Variants in TRA2A observed in about 807,000 individuals in gnomAD.
TRA2A encodes the protein transformer 2 alpha homolog, also known as transformer-2 protein homolog alpha.
Under a neutral mutation model 45.7 loss-of-function variants are expected in TRA2A, and 31 were observed. The observed-to-expected ratio is 0.68, with a 90% CI of 0.51 to 0.92. The LOEUF (loss-of-function observed/expected upper bound fraction) is 0.92. Among genes scored for constraint, TRA2A ranks in the 40% least tolerant of loss-of-function variants. The pLI, the probability that TRA2A is intolerant of heterozygous loss-of-function variation, is 0.00. For missense variants in TRA2A, 304 were observed against 367.5 expected, an observed-to-expected ratio of 0.83 and a Z score of 1.41; for synonymous variants, 132 against 126.2, an observed-to-expected ratio of 1.05 and a Z score of -0.31.
intron 1 of TRA2A, chr7:23,531,533 T>C (rs1790583813): frequency 3.5e-6 from 2 of 572,150 alleles, no homozygotes. Flanking sequence ...GAGGAAGCAA[T>C]GCGGGGGCGG....
At chr7:23,511,370 C>CAAAAAAGAAAAAAAAAAAA (rs1789597141) in intron 4 of TRA2A, among the ~76,000 whole-genome samples, 1 of 40,136 alleles carries the variant, frequency 2.5e-5, no homozygotes, top group Non-Finnish European at 4.6e-5. Context: ...GACTCCATCT[C>CAAAAAAGAAAAAAAAAAAA]AAAAAAAAAA....
intron 1 of TRA2A, among the ~76,000 whole-genome samples, chr7:23,530,909 AT>A (rs35844350): frequency 0.032 from 4,643 of 146,938 alleles, 177 homozygotes; most frequent in African/African-American, 0.093. Flanking sequence ...AGAAAGACAG[AT>A]TTTTTTTTTT....
intron 3 of TRA2A, among the ~76,000 whole-genome samples, chr7:23,514,357 T>C (rs922900249): frequency 6.6e-6 from 1 of 152,200 alleles, no homozygotes; most frequent in Non-Finnish European, 1.5e-5. Context: ...CACAGCTCTT[T>C]GAATAAATTT....
chr7:23,516,208 C>T (rs1301550677), intron 3 of TRA2A, among the ~76,000 whole-genome samples, 155 bp downstream of exon 3: 1 of 152,174 alleles, frequency 6.6e-6, no homozygotes, highest in Non-Finnish European at 1.5e-5. Context: ...AAGATGGTGG[C>T]ATTTCCTTTA....
chr7:23,528,302 G>A (rs557067789), intron 1 of TRA2A, among the ~76,000 whole-genome samples: 3 of 151,944 alleles, frequency 2.0e-5, no homozygotes, highest in Admixed American at 2.0e-4. Flanking sequence ...TCCGCCTCCC[G>A]GGTTCAAGTG....
chr7:23,521,866 T>C (rs1243783883), intron 1 of TRA2A, 26 bp from the exon 2 acceptor site: 4 of 1,613,892 alleles, frequency 2.5e-6, no homozygotes, highest in Non-Finnish European at 3.4e-6. Context: ...GTATTACAAA[T>C]GGCACTGGTC....
At chr7:23,527,999 T>C (rs1394409525) in intron 1 of TRA2A, among the ~76,000 whole-genome samples, 1 of 152,096 alleles carries the variant, frequency 6.6e-6, no homozygotes, top group African/African-American at 2.4e-5. Context: ...AGTACTTAAA[T>C]TTAGGAAAAT....
At chr7:23,527,651 CACAG>C (rs767232830) in intron 1 of TRA2A, among the ~76,000 whole-genome samples, 10 of 152,290 alleles carry the variant, frequency 6.6e-5, no homozygotes, top group East Asian at 3.9e-4. Flanking sequence ...AAATTAAGCC[CACAG>C]ACAAAGTGTT....
At chr7:23,521,581 G>A (rs1193529581) in intron 2 of TRA2A, 126 bp downstream of exon 2, 1 of 1,074,804 alleles carries the variant, frequency 9.3e-7, no homozygotes, top group East Asian at 2.4e-5. Flanking sequence ...CATTTACAAA[G>A]AGCAGTCTGA....
At chr7:23,526,968 T>C (rs1790364565) in intron 1 of TRA2A, among the ~76,000 whole-genome samples, 1 of 152,136 alleles carries the variant, frequency 6.6e-6, no homozygotes, top group African/African-American at 2.4e-5. Flanking sequence ...ACCTGTAAAA[T>C]TTATAATCTT....
chr7:23,505,500 T>TTAAAAA lies in TRA2A; in HGVS notation c.*58_*59insTTTTTA, dbSNP rs1554344461. On this transcript the variant is annotated 3_prime_UTR_variant, in exon 8 of 8. Coordinates refer to ENST00000297071, the MANE Select transcript of TRA2A (RefSeq NM_013293.5). Reference sequence around the variant, plus strand: ...CCACAGCTTGGGGAAATCTCAGAATTAAAAAAAAAAAAAAAAAAAAGAGGA... The same window carrying TTAAAAA: ...CCACAGCTTGGGGAAATCTCAGAATTTAAAAAAAAAAAAAAAAAAAAAAAAAGAGGA... 2.0e-5 allele frequency: 7 copies of TTAAAAA among 351,722 alleles called. No homozygotes were observed. Among genetic ancestry groups the TTAAAAA allele is most frequent in the African/African-American group, 1.1e-4 (2 of 18,718 alleles). The allele number at this position is 351,722 out of a possible 1,614,324, so 21.8% of individuals were successfully genotyped here.
chr7:23,530,046 C>T (rs755430344), intron 1 of TRA2A, among the ~76,000 whole-genome samples: 34 of 152,098 alleles, frequency 2.2e-4, no homozygotes, highest in Non-Finnish European at 3.8e-4. Context: ...TCACTCCCCA[C>T]AAACCAAACC....
Position 23,506,187 on chromosome 7 carries a change from CTCTATCATAG to C in TRA2A, c.711_720del (p.Tyr237Ter). 1 of 1,613,734 alleles carries C rather than the reference CTCTATCATAG, an allele frequency of 6.2e-7. No individual in the cohort carries two copies. The highest frequency in any genetic ancestry group is 8.5e-7 in the Non-Finnish European group (1 of 1,179,772). On this transcript the variant is annotated frameshift_variant, in exon 6 of 8. Coordinates refer to ENST00000297071, the MANE Select transcript of TRA2A (RefSeq NM_013293.5). LOFTEE classifies it high-confidence loss of function. ...TATCTGTCATACCCACGATCATATC[CTCTATCATAG>C]TAAGAATCTCGACGTCTGCCACCAC...
chr7:23,512,187 T>C (rs898524789), intron 4 of TRA2A, among the ~76,000 whole-genome samples: 1 of 152,154 alleles, frequency 6.6e-6, no homozygotes, highest in African/African-American at 2.4e-5. Context: ...GAGGCAGAGT[T>C]TGAATCAGGT....
At chr7:23,521,230 C>G (rs540740300) in intron 2 of TRA2A, among the ~76,000 whole-genome samples, 29 of 152,108 alleles carry the variant, frequency 1.9e-4, no homozygotes, top group Admixed American at 3.3e-4. Flanking sequence ...GACCAACCAG[C>G]ATAGCATACA....
At chr7:23,513,655 A>C (rs1584119174) in intron 3 of TRA2A, among the ~76,000 whole-genome samples, 1 of 152,208 alleles carries the variant, frequency 6.6e-6, no homozygotes, top group East Asian at 1.9e-4. Flanking sequence ...ACTTGAACAT[A>C]CATTTTTTTA....
At chr7:23,523,969 A>G (rs574944208) in intron 1 of TRA2A, among the ~76,000 whole-genome samples, 1 of 152,318 alleles carries the variant, frequency 6.6e-6, no homozygotes, top group East Asian at 1.9e-4. Context: ...CTGGATTATT[A>G]TCTACGAACG....
chr7:23,524,880 T>G (rs1051152864), intron 1 of TRA2A, among the ~76,000 whole-genome samples: 2 of 151,820 alleles, frequency 1.3e-5, no homozygotes, highest in Non-Finnish European at 2.9e-5. Flanking sequence ...TTAGTAGAGA[T>G]AGGGTTTCCC....
At chr7:23,516,927 T>C (rs1489895318) in intron 2 of TRA2A, among the ~76,000 whole-genome samples, 2 of 145,070 alleles carry the variant, frequency 1.4e-5, no homozygotes, top group Non-Finnish European at 3.1e-5. Flanking sequence ...GGCCAACATG[T>C]TGAAACCTCG....
Sources: gnomAD v4.1 joint callset for allele counts (sites outside exome capture counted in the v4.1 genomes callset) on GRCh38, gnomAD v4.1.1 for gene constraint, MANE v1.5 for transcripts, NCBI Gene and HGNC (gene_info 2026-07-23, HGNC 2026-07-21) for gene names.